NLRP2: variants seen among roughly 807,000 people sequenced by gnomAD.
NLRP2 encodes NLR family pyrin domain containing 2.
NLRP2 carries 107 observed loss-of-function variants against 97.2 expected under a neutral mutation model. The observed-to-expected ratio is 1.10, with a 90% CI of 0.94 to 1.29. The LOEUF is 1.29. Ranked by LOEUF, NLRP2 falls within the 50% of genes most tolerant of loss-of-function variation. NLRP2 has a pLI of 0.00. For missense variants in NLRP2, 1,495 were observed against 1,330.3 expected (o/e 1.12, Z -1.93); for synonymous variants, 663 against 551.5 (o/e 1.20, Z -2.83).
At position 54,981,043 on chromosome 19, in the gene NLRP2, G is replaced by A. The variant is rs144315673; in HGVS notation, c.398-574G>A. Among the ~76,000 whole-genome samples the A allele has an allele frequency of 3.0e-3, 452 of 152,228 alleles. 1 individual carries two copies. Among genetic ancestry groups the A allele is most frequent in the African/African-American group, 0.01 (429 of 41,554 alleles). On this transcript the variant is annotated intron_variant, in intron 4 of 12. Coordinates refer to ENST00000448584, the MANE Select transcript of NLRP2 (RefSeq NM_017852.5). ...GGAGAATCGCTTGAACCCGGGAGGCGGAGGTTGCAGTGAGCTGAGATTGCG... is the reference window on the plus strand; with the variant it reads ...GGAGAATCGCTTGAACCCGGGAGGCAGAGGTTGCAGTGAGCTGAGATTGCG...
At chr19:54,978,845 TAAAAA>T (rs78482875) in intron 4 of NLRP2, among the ~76,000 whole-genome samples, 6 of 136,292 alleles carry the variant, frequency 4.4e-5, no homozygotes, top group Admixed American at 1.5e-4. Context: ...GACTCCATCT[TAAAAA>T]AAAAAAAAAA....
rs567033955 is a variant in NLRP2, at chr19:54,977,908, ATC to A, written c.397+92_397+93del. 198 of 1,208,588 alleles carry A rather than the reference ATC, an allele frequency of 1.6e-4. No homozygotes were observed. In the African/African-American group the frequency reaches 2.5e-3, roughly 15 times the overall value. 74.9% of individuals were successfully genotyped at this position (1,208,588 alleles called of 1,614,324 possible). Reference sequence around the variant, plus strand: ...ATCTCCTGTTCCTTTGAAGAACCCCATCTCTCTCCAATCTTTTCCTCCACTAT... The same window carrying A: ...ATCTCCTGTTCCTTTGAAGAACCCCATCTCTCCAATCTTTTCCTCCACTAT... On this transcript the variant is annotated intron_variant, in intron 4 of 12. Coordinates refer to ENST00000448584, the MANE Select transcript of NLRP2 (RefSeq NM_017852.5).
chr19:54,981,815 G>T, intron 5 of NLRP2, 133 bp downstream of exon 5: 1 of 739,736 alleles, frequency 1.4e-6, no homozygotes, highest in Non-Finnish European at 2.4e-6. Context: ...TTTTGCTCTT[G>T]TTGCCCAGGC....
At chr19:54,968,701 CTTT>C (rs61212213) in intron 1 of NLRP2, among the ~76,000 whole-genome samples, 27,989 of 114,520 alleles carry the variant, frequency 0.24, 4,501 homozygotes, top group Admixed American at 0.44. Flanking sequence ...ATCTTTAAGC[CTTT>C]TTTTTTTTTG....
intron 8 of NLRP2, among the ~76,000 whole-genome samples, chr19:54,988,279 A>G (rs2072228815): frequency 6.6e-6 from 1 of 152,032 alleles, no homozygotes; most frequent in East Asian, 1.9e-4. Context: ...TGAATTAAAG[A>G]TTTGGGTCAC....
intron 11 of NLRP2, 152 bp from the exon 12 acceptor site, chr19:54,997,165 A>G: frequency 2.5e-6 from 2 of 792,076 alleles, no homozygotes; most frequent in Non-Finnish European, 4.4e-6. Flanking sequence ...TCGGCCTCCC[A>G]AAGTGCTGGG....
chr19:54,999,146 AC>A lies in NLRP2; in HGVS notation c.3051-1607del, dbSNP rs1018528255. ...GGGCGGCTGGCTGGGCGGGGGGCTG[AC>A]CCCCCCACCTCCCCGCCCGGCCAGA... On this transcript the variant is annotated intron_variant, in intron 12 of 12. Transcript: ENST00000448584. Among the ~76,000 whole-genome samples the A allele has an allele frequency of 5.3e-5, 8 of 150,466 alleles. No homozygotes were observed. The South Asian group carries it at 6.3e-4, about 12-fold the overall frequency.
At chr19:54,979,637 C>T (rs997553777) in intron 4 of NLRP2, among the ~76,000 whole-genome samples, 1 of 152,124 alleles carries the variant, frequency 6.6e-6, no homozygotes, top group African/African-American at 2.4e-5. Context: ...AGGCATGAGC[C>T]ACCGTACCTA....
chr19:54,983,285 C>G lies in NLRP2; in HGVS notation c.1587C>G (p.Thr529=). 1 of 1,614,128 alleles carries G rather than the reference C, an allele frequency of 6.2e-7. No individual in the cohort carries two copies. The highest frequency in any genetic ancestry group is 8.5e-7 in the Non-Finnish European group (1 of 1,180,012). ...KEEEEDRDGH[T]WDIGDVQKLL... is the part of the protein sequence containing the mutation. Reference sequence around the variant, plus strand: ...AGGAAGAGGATAGGGACGGCCACACCTGGGACATTGGGGACGTACAGAAGC... The same window carrying G: ...AGGAAGAGGATAGGGACGGCCACACGTGGGACATTGGGGACGTACAGAAGC... The change falls in exon 6 of 13, where the codon ACC becomes ACG. Residue 529 remains threonine, a synonymous_variant. Transcript: ENST00000448584.
chr19:54,992,575 T>TTTTG (rs2072559956), intron 10 of NLRP2, among the ~76,000 whole-genome samples: 4 of 45,846 alleles, frequency 8.7e-5, no homozygotes, highest in South Asian at 5.1e-4. Context: ...TTTTTTTTGG[T>TTTTG]TTTTTTTTTT....
intron 7 of NLRP2, among the ~76,000 whole-genome samples, 153 bp downstream of exon 7, chr19:54,985,370 G>A (rs2071987147): frequency 6.6e-6 from 1 of 152,056 alleles, no homozygotes; most frequent in Admixed American, 6.6e-5. Context: ...TATTTTGTGG[G>A]ATAATCGTAT....
intron 3 of NLRP2, among the ~76,000 whole-genome samples, chr19:54,976,507 T>C (rs2146383092): frequency 6.7e-6 from 1 of 150,076 alleles, no homozygotes; most frequent in Admixed American, 6.6e-5. Flanking sequence ...CCACCACGTC[T>C]GGCTAATTTT....
Position 54,983,326 on chromosome 19 carries a change from A to G in NLRP2, c.1628A>G (p.Glu543Gly), listed in dbSNP as rs1221064433. ...GTACAGAAGCTGCTTTCCGGAGTAG[A>G]AAGACTCAGGAACCCCGACCTGATC... ...GDVQKLLSGV[E>G]RLRNPDLIQA... The change falls in exon 6 of 13, where the codon GAA becomes GGA. Residue 543 changes from glutamate (E) to glycine (G), a missense_variant. Coordinates refer to ENST00000448584, the MANE Select transcript of NLRP2 (RefSeq NM_017852.5). 1 of 1,614,214 alleles carries G rather than the reference A, an allele frequency of 6.2e-7. No individual in the cohort carries two copies. Among genetic ancestry groups the G allele is most frequent in the Non-Finnish European group, 8.5e-7 (1 of 1,180,040 alleles).
chr19:54,976,363 C>G (rs929270240), intron 3 of NLRP2, among the ~76,000 whole-genome samples: 3 of 151,006 alleles, frequency 2.0e-5, no homozygotes, highest in African/African-American at 4.9e-5. Flanking sequence ...TCATGAAGAC[C>G]TTTTTTGAGA....
intron 2 of NLRP2, among the ~76,000 whole-genome samples, chr19:54,970,770 C>CTTTTTTTTTTTTTTTTTTTCTTTTT (rs34406686): frequency 9.2e-6 from 1 of 108,472 alleles, no homozygotes; most frequent in Non-Finnish European, 1.9e-5. Flanking sequence ...CTACCTACTT[C>CTTTTTTTTTTTTTTTTTTTCTTTTT]TTTTTTTTTT....
Position 54,977,829 on chromosome 19 carries a change from T to G in NLRP2, c.397+6T>G, listed in dbSNP as rs746446493. 11 of 1,613,222 alleles carry G rather than the reference T, an allele frequency of 6.8e-6. No individual in the cohort carries two copies. In the Admixed American group the frequency reaches 8.3e-5, roughly 12 times the overall value. On this transcript the variant is annotated splice_donor_region_variant and intron_variant, in intron 4 of 12. Transcript: ENST00000448584. ...CTTCAAAACAGAAGCACAAGGTGGGTGTCAGGACCTCCAATGTTGGAGTCA... is the reference window on the plus strand; with the variant it reads ...CTTCAAAACAGAAGCACAAGGTGGGGGTCAGGACCTCCAATGTTGGAGTCA...
At position 54,980,021 on chromosome 19, in the gene NLRP2, C is replaced by A. The variant is rs8099894; in HGVS notation, c.398-1596C>A. Reference sequence around the variant, plus strand: ...GGATCTCCTAACCTCGTGATCCGTCCGCCTCAGCCTCCCAAAGTGCTGGGA... The same window carrying A: ...GGATCTCCTAACCTCGTGATCCGTCAGCCTCAGCCTCCCAAAGTGCTGGGA... On this transcript the variant is annotated intron_variant, in intron 4 of 12. Transcript: ENST00000448584. Among the ~76,000 whole-genome samples the A allele has an allele frequency of 2.4e-4, 36 of 151,524 alleles. No individual in the cohort carries two copies. In the South Asian group the frequency reaches 7.5e-3, roughly 32 times the overall value.
Position 54,967,116 on chromosome 19 carries a change from C to T in NLRP2, c.-18+649C>T, listed in dbSNP as rs189221752. ...TCCTGGGCTCAAGCGATCTTCCTGCCTCAGACTCCCAAAATTCTGGGATTA... is the reference window on the plus strand; with the variant it reads ...TCCTGGGCTCAAGCGATCTTCCTGCTTCAGACTCCCAAAATTCTGGGATTA... On this transcript the variant is annotated intron_variant, in intron 1 of 12. Coordinates refer to ENST00000448584, the MANE Select transcript of NLRP2 (RefSeq NM_017852.5). 1.1e-3 allele frequency among the ~76,000 whole-genome samples: 170 copies of T among 152,072 alleles called. 1 individual carries two copies. Among genetic ancestry groups the T allele is most frequent in the African/African-American group, 3.6e-3 (148 of 41,498 alleles).
rs2071659594 is a variant in NLRP2, at chr19:54,982,560, G to A, written c.862G>A (p.Asp288Asn). Reference protein sequence around the residue: ...AQARKILFVIDGFDELGAAPG... With the variant: ...AQARKILFVINGFDELGAAPG... ...AGCACGGAAAATCTTGTTCGTGATT[G>A]ACGGCTTTGATGAGCTGGGAGCCGC... Residue 288 changes from aspartate (D) to asparagine (N), a missense_variant, in exon 6 of 13, where the codon GAC becomes AAC. Coordinates refer to ENST00000448584, the MANE Select transcript of NLRP2 (RefSeq NM_017852.5). 1.2e-6 allele frequency: 2 copies of A among 1,614,086 alleles called. No individual in the cohort carries two copies. The highest frequency in any genetic ancestry group is 1.7e-6 in the Non-Finnish European group (2 of 1,180,046).
Sources: allele counts gnomAD v4.1 joint callset (sites outside exome capture counted in the v4.1 genomes callset), GRCh38; gene constraint gnomAD v4.1.1; transcripts MANE v1.5; gene names NCBI Gene and HGNC (gene_info 2026-07-23, HGNC 2026-07-21).